SCAMP1: variants seen among roughly 807,000 people sequenced by gnomAD.
SCAMP1 encodes the protein secretory carrier-associated membrane protein 1.
SCAMP1 carries 15 observed loss-of-function variants against 41.8 expected under a neutral mutation model. The observed-to-expected ratio is 0.36, with a 90% CI of 0.24 to 0.55. The LOEUF is 0.55. SCAMP1 is among the 20% of genes least tolerant of loss of function. SCAMP1 has a pLI of 0.86. For missense variants in SCAMP1, 341 were observed against 412.6 expected (o/e 0.83, Z 1.50); for synonymous variants, 135 against 136.8 (o/e 0.99, Z 0.09).
chr5:78,372,285 G>A (rs2112051303), intron 1 of SCAMP1, among the ~76,000 whole-genome samples: 1 of 152,238 alleles, frequency 6.6e-6, no homozygotes, highest in South Asian at 2.1e-4. Flanking sequence ...CAGGAGTATT[G>A]GCCAGTCATG....
chr5:78,465,763 G>A (rs1753729271), intron 8 of SCAMP1, among the ~76,000 whole-genome samples: 1 of 152,176 alleles, frequency 6.6e-6, no homozygotes, highest in South Asian at 2.1e-4. Flanking sequence ...CGGGGAATTG[G>A]CTGGTGAGGT....
intron 1 of SCAMP1, among the ~76,000 whole-genome samples, chr5:78,385,846 G>T (rs1373460890): frequency 6.6e-6 from 1 of 152,066 alleles, no homozygotes; most frequent in South Asian, 2.1e-4. Context: ...TATTTGTTGA[G>T]ACTTTTTTTG....
chr5:78,401,268 A>G (rs991261984), intron 2 of SCAMP1, among the ~76,000 whole-genome samples: 2 of 152,110 alleles, frequency 1.3e-5, no homozygotes, highest in South Asian at 2.1e-4. Flanking sequence ...TTTTGCATCC[A>G]TGTTCATCAG....
At chr5:78,363,399 C>T (rs903742402) in intron 1 of SCAMP1, among the ~76,000 whole-genome samples, 5 of 151,786 alleles carry the variant, frequency 3.3e-5, no homozygotes, top group East Asian at 3.9e-4. Flanking sequence ...TTAGTAGAGA[C>T]GGGGTTTCAC....
chr5:78,412,714 G>T (rs1176433777), intron 2 of SCAMP1, among the ~76,000 whole-genome samples: 1 of 151,972 alleles, frequency 6.6e-6, no homozygotes, highest in Non-Finnish European at 1.5e-5. Context: ...TCTATTGCTT[G>T]TTCAGATCTT....
chr5:78,424,297 G>C (rs16875383), intron 6 of SCAMP1, among the ~76,000 whole-genome samples: 8,212 of 152,230 alleles, frequency 0.054, 429 homozygotes, highest in East Asian at 0.3. Flanking sequence ...TTTGTTCTCC[G>C]TAAGGTAAAC....
At chr5:78,428,822 A>G (rs989687668) in intron 6 of SCAMP1, among the ~76,000 whole-genome samples, 1 of 152,048 alleles carries the variant, frequency 6.6e-6, no homozygotes, top group African/African-American at 2.4e-5. Context: ...CACAAATCTT[A>G]TACTTCTGTT....
intron 6 of SCAMP1, among the ~76,000 whole-genome samples, chr5:78,436,506 T>A (rs763561703): frequency 6.6e-6 from 1 of 152,360 alleles, no homozygotes; most frequent in Middle Eastern, 3.4e-3. Flanking sequence ...CTTGTTTTTG[T>A]CAGGTTTGTC....
At chr5:78,370,375 A>G (rs1414517090) in intron 1 of SCAMP1, among the ~76,000 whole-genome samples, 1 of 152,208 alleles carries the variant, frequency 6.6e-6, no homozygotes, top group Admixed American at 6.5e-5. Flanking sequence ...ACCTTGTAAC[A>G]AGTCTCTGAG....
intron 6 of SCAMP1, among the ~76,000 whole-genome samples, chr5:78,430,470 T>G (rs1181192762): frequency 6.6e-6 from 1 of 151,714 alleles, no homozygotes; most frequent in African/African-American, 2.4e-5. Context: ...AAAACTATGG[T>G]TCATCCTTTC....
intron 1 of SCAMP1, among the ~76,000 whole-genome samples, chr5:78,387,191 C>T (rs1052870509): frequency 6.6e-6 from 1 of 151,804 alleles, no homozygotes; most frequent in Admixed American, 6.5e-5. Context: ...TGGGTTAATT[C>T]GAAAGCCTTG....
intron 2 of SCAMP1, among the ~76,000 whole-genome samples, chr5:78,395,217 A>G (rs1331685906): frequency 6.6e-6 from 1 of 152,200 alleles, no homozygotes; most frequent in Non-Finnish European, 1.5e-5. Context: ...TTGAGCAGAA[A>G]GTACAGAGTA....
At chr5:78,469,747 G>C (rs1231243814) in intron 8 of SCAMP1, among the ~76,000 whole-genome samples, 1 of 151,622 alleles carries the variant, frequency 6.6e-6, no homozygotes, top group Non-Finnish European at 1.5e-5. Flanking sequence ...ATACGGTTTA[G>C]ACTGTGCATG....
Position 78,452,200 on chromosome 5 carries a change from A to G in SCAMP1, c.734+2166A>G, listed in dbSNP as rs569145698. ...GTTTTCTTTTCTTTTTTTTTTTATT[A>G]TACTTTAAGTTTTAGGGTACATGTG... On this transcript the variant is annotated intron_variant, in intron 7 of 8. Transcript: ENST00000621999. 1.2e-3 allele frequency among the ~76,000 whole-genome samples: 184 copies of G among 148,986 alleles called. 1 individual carries two copies. Among genetic ancestry groups the G allele is most frequent in the South Asian group, 0.01 (49 of 4,736 alleles).
chr5:78,369,266 C>T (rs1013207278), intron 1 of SCAMP1, among the ~76,000 whole-genome samples: 10 of 152,080 alleles, frequency 6.6e-5, no homozygotes, highest in African/African-American at 2.2e-4. Context: ...ACCGCCACAC[C>T]TGGTTACTTT....
chr5:78,427,799 C>G (rs944290950), intron 6 of SCAMP1, among the ~76,000 whole-genome samples: 1 of 151,968 alleles, frequency 6.6e-6, no homozygotes, highest in South Asian at 2.1e-4. Flanking sequence ...AGTTTGAGCA[C>G]CTTTTTATTT....
At chr5:78,465,753 C>T (rs952033781) in intron 8 of SCAMP1, among the ~76,000 whole-genome samples, 9 of 152,082 alleles carry the variant, frequency 5.9e-5, no homozygotes, top group African/African-American at 1.7e-4. Flanking sequence ...AGGTTAATTG[C>T]GGGGAATTGG....
At chr5:78,459,540 A>G (rs1166656889) in intron 8 of SCAMP1, among the ~76,000 whole-genome samples, 178 bp downstream of exon 8, 1 of 152,212 alleles carries the variant, frequency 6.6e-6, no homozygotes, top group Non-Finnish European at 1.5e-5. Flanking sequence ...AGAAAATTGC[A>G]TCACATTTTA....
chr5:78,389,829 C>A (rs2112087088), intron 2 of SCAMP1, among the ~76,000 whole-genome samples: 1 of 151,952 alleles, frequency 6.6e-6, no homozygotes, highest in Non-Finnish European at 1.5e-5. Flanking sequence ...ATTTCATCTC[C>A]TGTATTTGGG....
Sources: allele counts gnomAD v4.1 joint callset (sites outside exome capture counted in the v4.1 genomes callset), GRCh38; gene constraint gnomAD v4.1.1; transcripts MANE v1.5; gene names NCBI Gene and HGNC (gene_info 2026-07-23, HGNC 2026-07-21).